The following LRRK2 variants were observed in gnomAD, a reference collection of about 807,000 sequenced individuals.
The protein encoded by LRRK2 is leucine rich repeat kinase 2.
In LRRK2, 203 loss-of-function variants were observed where a neutral mutation model predicts 302.6. That is an observed-to-expected ratio of 0.67 (90% CI 0.60 to 0.75). LRRK2 has a LOEUF of 0.75. LRRK2 is among the 30% of genes least tolerant of loss of function. The probability of loss-of-function intolerance (pLI) is 0.00; values close to 1 mark genes in which losing one functional copy is unlikely to be tolerated. For synonymous variants in LRRK2, 1,066 were observed against 1,031.9 expected (o/e 1.03, Z -0.63); for missense variants, 2,830 against 2,951.0 (o/e 0.96, Z 0.95).
chr12:40,357,200 T>C (rs1361540597), intron 46 of LRRK2, among the ~76,000 whole-genome samples: 3 of 152,228 alleles, frequency 2.0e-5, no homozygotes, highest in African/African-American at 7.2e-5. Flanking sequence ...TTTGTCTTTC[T>C]GTGCTTGGCT....
chr12:40,291,643 T>C (rs1383264750), intron 20 of LRRK2, among the ~76,000 whole-genome samples: 4 of 151,924 alleles, frequency 2.6e-5, no homozygotes, highest in Admixed American at 1.3e-4. Context: ...TGGATTATCA[T>C]ATGGTCTGTC....
intron 35 of LRRK2, 73 bp from the exon 36 acceptor site, chr12:40,321,962 C>A: frequency 2.1e-6 from 3 of 1,445,676 alleles, no homozygotes; most frequent in Non-Finnish European, 2.9e-6. Flanking sequence ...ATTACAATCA[C>A]TTGTGTTGTG....
Position 40,284,047 on chromosome 12 carries a change from T to G in LRRK2, c.2414T>G (p.Leu805Arg), listed in dbSNP as rs768272033. 2 of 1,613,772 alleles carry G rather than the reference T, an allele frequency of 1.2e-6. No homozygotes were observed. Among genetic ancestry groups the G allele is most frequent in the Non-Finnish European group, 1.7e-6 (2 of 1,179,746 alleles). Residue 805 changes from leucine (L) to arginine (R), a missense_variant, in exon 19 of 51, where the codon CTT (leucine) becomes CGT (arginine). By Grantham distance (102) the Leu-to-Arg change is moderately radical (BLOSUM62 -2). Around this residue, in one of 3 missense-constraint regions of LRRK2, gnomAD observed 2,121 missense variants for 2,148.0 expected, o/e 0.99. Transcript: ENST00000298910. Reference sequence around the variant, plus strand: ...GATGTGGCCAACAATAGCATTTGCCTTGGAGGATTTTGTATAGGAAAAGTT... The same window carrying G: ...GATGTGGCCAACAATAGCATTTGCCGTGGAGGATTTTGTATAGGAAAAGTT... ...ALDVANNSICLGGFCIGKVEP... is the reference protein window; with the variant it reads ...ALDVANNSICRGGFCIGKVEP...
intron 14 of LRRK2, among the ~76,000 whole-genome samples, chr12:40,270,544 T>C (rs1050339649): frequency 2.0e-5 from 3 of 152,150 alleles, no homozygotes; most frequent in African/African-American, 7.2e-5. Flanking sequence ...ATATTGTTTT[T>C]TTTTCCTTGA....
At chr12:40,231,808 A>T (rs1174896827) in intron 2 of LRRK2, among the ~76,000 whole-genome samples, 4 of 144,418 alleles carry the variant, frequency 2.8e-5, no homozygotes, top group South Asian at 2.2e-4. Context: ...TATATATATA[A>T]TATATATATA....
In LRRK2 at chr12:40,287,457, G is replaced by A; in HGVS notation, c.2607G>A (p.Leu869=). The A allele has an allele frequency of 6.2e-7, 1 of 1,612,808 alleles. No individual in the cohort carries two copies. Among genetic ancestry groups the A allele is most frequent in the Non-Finnish European group, 8.5e-7 (1 of 1,179,138 alleles). Reference sequence around the variant, plus strand: ...ATGGAAATTTTTCTGAAGATGTGCTGTCTAAATTTGATGAATGGACCTTTA... The same window carrying A: ...ATGGAAATTTTTCTGAAGATGTGCTATCTAAATTTGATGAATGGACCTTTA... ...GSDGNFSEDV[L]SKFDEWTFIP... Residue 869 remains leucine, a synonymous_variant, in exon 20 of 51, where the codon CTG becomes CTA. Coordinates refer to ENST00000298910, the MANE Select transcript of LRRK2 (RefSeq NM_198578.4).
intron 11 of LRRK2, among the ~76,000 whole-genome samples, chr12:40,255,017 C>G (rs573319013): frequency 2.0e-5 from 3 of 152,226 alleles, no homozygotes; most frequent in Non-Finnish European, 4.4e-5. Flanking sequence ...GAACTGCGTC[C>G]TTGGAATCAT....
In LRRK2 at chr12:40,259,934, T is replaced by C. The variant is rs1159547374; in HGVS notation, c.1543+330T>C. 2.0e-5 allele frequency among the ~76,000 whole-genome samples: 3 copies of C among 152,184 alleles called. No homozygotes were observed. The East Asian group carries it at 5.8e-4, about 29-fold the overall frequency. On this transcript the variant is annotated intron_variant, in intron 13 of 50. Transcript: ENST00000298910. ...ACCTGAGTTCAAGCTTTTTTTCTCT[T>C]GTTTGAATTGTACTATTAGCTAATT...
chr12:40,256,824 C>T (rs1384114207), intron 11 of LRRK2, among the ~76,000 whole-genome samples: 1 of 152,214 alleles, frequency 6.6e-6, no homozygotes, highest in African/African-American at 2.4e-5. Flanking sequence ...TCTAGCATAT[C>T]TGGTTAGTCT....
intron 7 of LRRK2, among the ~76,000 whole-genome samples, chr12:40,245,787 G>T (rs1592153001): frequency 6.6e-6 from 1 of 152,130 alleles, no homozygotes; most frequent in East Asian, 1.9e-4. Context: ...AAATGCAAAT[G>T]ATTTTTTGTA....
Position 40,369,242 on chromosome 12 carries a change from AC to A in LRRK2, c.*1479del, listed in dbSNP as rs535232141. On this transcript the variant is annotated 3_prime_UTR_variant, in exon 51 of 51. Coordinates refer to ENST00000298910, the MANE Select transcript of LRRK2 (RefSeq NM_198578.4). ...CCAAAGACAAATTAAAAAAATGAAT[AC>A]CATATTTAAATGGAATAATAAAGGT... 3 of 151,928 alleles carry A rather than the reference AC, an allele frequency of 2.0e-5. No homozygotes were observed. Among genetic ancestry groups the A allele is most frequent in the Non-Finnish European group, 4.4e-5 (3 of 67,776 alleles). The allele number at this position is 151,928 out of a possible 1,614,324, so 9.4% of individuals were successfully genotyped here.
chr12:40,351,398 T>A (rs748501878), intron 43 of LRRK2, 141 bp from the exon 44 acceptor site: 2 of 677,700 alleles, frequency 3.0e-6, no homozygotes, highest in Non-Finnish European at 5.1e-6. Context: ...AGATTACTAA[T>A]CTTGGTGATC....
intron 11 of LRRK2, 108 bp downstream of exon 11, chr12:40,253,124 A>G: frequency 1.4e-6 from 1 of 709,504 alleles, no homozygotes; most frequent in Non-Finnish European, 2.5e-6. Context: ...AAAGCTATAT[A>G]TTGTGAAAGA....
At chr12:40,293,493 T>C (rs998177350) in intron 20 of LRRK2, 52 bp from the exon 21 acceptor site, 4 of 1,142,826 alleles carry the variant, frequency 3.5e-6, no homozygotes, top group Admixed American at 1.9e-5. Context: ...ATCTTATGAT[T>C]GAGTAAGCTT....
At chr12:40,255,947 G>C (rs7132171) in intron 11 of LRRK2, among the ~76,000 whole-genome samples, 72,120 of 151,976 alleles carry the variant, frequency 0.47, 18,063 homozygotes, top group South Asian at 0.65. Context: ...TCCATGTTTT[G>C]TCCTATCTTC....
intron 7 of LRRK2, among the ~76,000 whole-genome samples, chr12:40,249,536 AGACAT>A (rs1314074812): frequency 2.0e-5 from 3 of 152,332 alleles, no homozygotes; most frequent in African/African-American, 7.2e-5. Flanking sequence ...CGTGTGTCAC[AGACAT>A]GACATGAGAG....
At chr12:40,269,093 G>A (rs1415151240) in intron 14 of LRRK2, among the ~76,000 whole-genome samples, 2 of 152,104 alleles carry the variant, frequency 1.3e-5, no homozygotes, top group Admixed American at 6.6e-5. Flanking sequence ...CTTGTTGGAG[G>A]GAAATTTGGT....
chr12:40,257,219 T>C, intron 11 of LRRK2, 29 bp from the exon 12 acceptor site: 1 of 1,450,744 alleles, frequency 6.9e-7, no homozygotes, highest in Non-Finnish European at 9.7e-7. Context: ...TGCTTTCATA[T>C]CTATAAGTAA....
At chr12:40,301,527 T>A (rs933511044) in intron 25 of LRRK2, among the ~76,000 whole-genome samples, 1 of 152,190 alleles carries the variant, frequency 6.6e-6, no homozygotes, top group Non-Finnish European at 1.5e-5. Flanking sequence ...CTCTGAAGTC[T>A]TAAGTGGAGA....
Sources: gnomAD v4.1 joint callset for allele counts (sites outside exome capture counted in the v4.1 genomes callset) on GRCh38, gnomAD v4.1.1 for gene constraint, gnomAD v4.1.1 regional missense constraint, MANE v1.5 for transcripts, NCBI Gene and HGNC (gene_info 2026-07-23, HGNC 2026-07-21) for gene names.